The following TLE1 variants were observed in gnomAD, a reference collection of about 807,000 sequenced individuals.
TLE1 encodes TLE family member 1, transcriptional corepressor.
In TLE1, 21 loss-of-function variants were observed where a neutral mutation model predicts 89.8. The observed-to-expected ratio is 0.23, with a 90% CI of 0.17 to 0.34. The LOEUF is 0.34. Ranked by LOEUF, TLE1 falls within the 10% of genes least tolerant of loss-of-function variation. The probability of loss-of-function intolerance (pLI) is 1.00; values close to 1 mark genes in which losing one functional copy is unlikely to be tolerated. For synonymous variants in TLE1, 447 were observed against 407.6 expected (o/e 1.10, Z -1.16); for missense variants, 795 against 1,031.2 (o/e 0.77, Z 3.14).
At chr9:81,686,410 G>C (rs1216748505) in intron 2 of TLE1, among the ~76,000 whole-genome samples, 1 of 152,170 alleles carries the variant, frequency 6.6e-6, no homozygotes, top group Non-Finnish European at 1.5e-5. Context: ...CAATAAAGTG[G>C]GTTGAAGTTC....
chr9:81,681,700 T>G (rs1774925632), intron 4 of TLE1, among the ~76,000 whole-genome samples: 1 of 152,214 alleles, frequency 6.6e-6, no homozygotes, highest in Non-Finnish European at 1.5e-5. Context: ...ACTTGTTTCT[T>G]CTTAAACATA....
chr9:81,586,067 G>A (rs1173809078), intron 17 of TLE1, among the ~76,000 whole-genome samples: 1 of 149,892 alleles, frequency 6.7e-6, no homozygotes, highest in East Asian at 2.0e-4. Context: ...GCCCAGGCTG[G>A]AGTGAAGCGG....
intron 14 of TLE1, among the ~76,000 whole-genome samples, chr9:81,597,700 C>T (rs1180697025): frequency 6.6e-6 from 1 of 151,992 alleles, no homozygotes; most frequent in Non-Finnish European, 1.5e-5. Flanking sequence ...GTGTCAGAAT[C>T]GAAAAGAATA....
intron 14 of TLE1, among the ~76,000 whole-genome samples, chr9:81,595,670 T>C (rs1157013863): frequency 6.6e-6 from 1 of 151,790 alleles, no homozygotes; most frequent in Non-Finnish European, 1.5e-5. Flanking sequence ...TACAAAAAAA[T>C]CAGCCGGGTA....
chr9:81,631,367 A>G (rs1826582583), intron 8 of TLE1, among the ~76,000 whole-genome samples: 2 of 152,350 alleles, frequency 1.3e-5, no homozygotes, highest in African/African-American at 4.8e-5. Context: ...TACTAGCTTA[A>G]GCATACAAAC....
chr9:81,682,257 A>G (rs1372847019), intron 4 of TLE1, among the ~76,000 whole-genome samples: 2 of 151,848 alleles, frequency 1.3e-5, no homozygotes, highest in African/African-American at 4.8e-5. Flanking sequence ...CATCTCAAAA[A>G]AAAAAAAAAA....
chr9:81,584,797 A>G (rs1277249271), intron 18 of TLE1, among the ~76,000 whole-genome samples: 1 of 152,130 alleles, frequency 6.6e-6, no homozygotes, highest in Non-Finnish European at 1.5e-5. Flanking sequence ...AAATATAGAA[A>G]TCAATGAAGA....
intron 7 of TLE1, 174 bp from the exon 8 acceptor site, chr9:81,633,538 A>G: frequency 1.3e-6 from 1 of 799,182 alleles, no homozygotes; most frequent in South Asian, 1.9e-5. Context: ...CCTGAAAATT[A>G]CAGTATTTTG....
chr9:81,626,232 C>T (rs1825890421), intron 8 of TLE1, among the ~76,000 whole-genome samples: 1 of 152,102 alleles, frequency 6.6e-6, no homozygotes, highest in African/African-American at 2.4e-5. Context: ...ATTGGAAACT[C>T]GTGACACCTC....
rs530475462 is a variant in TLE1 at position 81,639,469 on chromosome 9, C to G, written c.373-5168G>C. Among the ~76,000 whole-genome samples the G allele has an allele frequency of 3.3e-5, 5 of 151,760 alleles. No homozygotes were observed. In the East Asian group the frequency reaches 9.7e-4, roughly 29 times the overall value. On this transcript the variant is annotated intron_variant, in intron 6 of 19. Coordinates refer to ENST00000376499, the MANE Select transcript of TLE1 (RefSeq NM_005077.5). ...GAGGAAATTTATTCTTCTATCTAGG[C>G]ATTAGTTTACAGTAATTAGGAAATT...
chr9:81,646,331 T>C (rs1408031311), intron 6 of TLE1, among the ~76,000 whole-genome samples: 1 of 152,164 alleles, frequency 6.6e-6, no homozygotes, highest in Admixed American at 6.5e-5. Context: ...TTCTTTGCAA[T>C]ATTGCTCTTT....
chr9:81,594,129 T>C (rs993681468), intron 14 of TLE1, among the ~76,000 whole-genome samples: 3 of 152,066 alleles, frequency 2.0e-5, no homozygotes, highest in African/African-American at 2.4e-5. Context: ...AAAAAATAAA[T>C]AGGGAGAGAG....
chr9:81,688,145 G>A, intron 1 of TLE1, 72 bp downstream of exon 1: 1 of 1,576,508 alleles, frequency 6.3e-7, no homozygotes, highest in Non-Finnish European at 8.7e-7. Flanking sequence ...GAAGCCACCA[G>A]TCTCCCTACC....
At chr9:81,662,333 A>G (rs780737749) in intron 4 of TLE1, among the ~76,000 whole-genome samples, 6 of 150,022 alleles carry the variant, frequency 4.0e-5, no homozygotes, top group Non-Finnish European at 7.4e-5. Context: ...GATGCAGGAG[A>G]CACGGTGTTA....
intron 9 of TLE1, among the ~76,000 whole-genome samples, chr9:81,618,956 G>A (rs1015112916): frequency 6.6e-6 from 1 of 150,838 alleles, no homozygotes; most frequent in African/African-American, 2.4e-5. Context: ...CTCCACACAT[G>A]GTCCCTAACC....
intron 14 of TLE1, among the ~76,000 whole-genome samples, chr9:81,605,652 A>C (rs1309091440): frequency 6.6e-6 from 1 of 152,162 alleles, no homozygotes; most frequent in African/African-American, 2.4e-5. Flanking sequence ...ATTAGACCTA[A>C]AACCATAAAA....
At chr9:81,662,523 T>C (rs942548735) in intron 4 of TLE1, among the ~76,000 whole-genome samples, 1 of 151,624 alleles carries the variant, frequency 6.6e-6, no homozygotes, top group African/African-American at 2.4e-5. Flanking sequence ...TGGTGAACCC[T>C]GTCTCTACTA....
chr9:81,613,246 G>A (rs1823948464), intron 12 of TLE1, 131 bp downstream of exon 12: 2 of 1,289,460 alleles, frequency 1.6e-6, no homozygotes. Context: ...GGCTTTTTCA[G>A]AGATAGGAAG....
rs1336708891 is a variant in TLE1 at position 81,587,669 on chromosome 9, CCACT to C, written c.1977+8_1977+11del. ...TCCCAGACTCCAGGGCAGGCGGAAGCCACTCAGTCACCTGGGAGGTGAAGTCGTG... is the reference window on the plus strand; with the variant it reads ...TCCCAGACTCCAGGGCAGGCGGAAGCCAGTCACCTGGGAGGTGAAGTCGTG... On this transcript the variant is annotated splice_region_variant and intron_variant, in intron 17 of 19. Transcript: ENST00000376499. The C allele has an allele frequency of 6.2e-7, 1 of 1,605,540 alleles. No individual in the cohort carries two copies. The highest frequency in any genetic ancestry group is 1.3e-5 in the African/African-American group (1 of 74,914).
Sources: gnomAD v4.1 joint callset for allele counts (sites outside exome capture counted in the v4.1 genomes callset) on GRCh38, gnomAD v4.1.1 for gene constraint, MANE v1.5 for transcripts, NCBI Gene and HGNC (gene_info 2026-07-23, HGNC 2026-07-21) for gene names.